The following LCOR variants were observed in gnomAD, a reference collection of about 807,000 sequenced individuals.
LCOR encodes ligand-dependent corepressor.
Under a neutral mutation model 64.4 loss-of-function variants are expected in LCOR, and 14 were observed. That is an observed-to-expected ratio of 0.22 (90% CI 0.14 to 0.34). The LOEUF (loss-of-function observed/expected upper bound fraction) is 0.34. Among genes scored for constraint, LCOR ranks in the 10% least tolerant of loss-of-function variants. The pLI, the probability that LCOR is intolerant of heterozygous loss-of-function variation, is 1.00. For synonymous variants in LCOR, 643 were observed against 642.5 expected, an observed-to-expected ratio of 1.00 and a Z score of -0.01; for missense variants, 1,686 against 1,765.3, an observed-to-expected ratio of 0.96 and a Z score of 0.80.
At chr10:96,958,750 TTCTC>T (rs1337083237) in intron 7 of LCOR, 2 of 279,604 alleles carry the variant, frequency 7.2e-6, no homozygotes, top group Non-Finnish European at 1.4e-5. Flanking sequence ...GTCTCTCTCT[TTCTC>T]TCTCTTTTTT....
chr10:96,897,873 T>TC (rs1846567276), intron 2 of LCOR, among the ~76,000 whole-genome samples: 1 of 147,172 alleles, frequency 6.8e-6, no homozygotes, highest in Non-Finnish European at 1.5e-5. Context: ...CATCTTTTTT[T>TC]TTTTTTTTTT....
intron 4 of LCOR, among the ~76,000 whole-genome samples, chr10:96,916,617 G>A (rs184760499): frequency 0.038 from 5,151 of 135,806 alleles, 341 homozygotes; most frequent in African/African-American, 0.14. Context: ...CTATATATAT[G>A]ATTATTTATT....
Position 96,984,429 on chromosome 10 carries a change from G to A in LCOR, c.3969G>A (p.Gln1323=), listed in dbSNP as rs1341764739. The change falls in exon 8 of 8, where the codon CAG becomes CAA. Residue 1323 remains glutamine, a synonymous_variant. Transcript: ENST00000421806. The part of the protein sequence containing the change: ...YSNIRGKLRA[Q]QRLIKNEKME... ...ATATTCGAGGAAAGCTCAGAGCCCA[G>A]CAACGTTTAATCAAGAATGAGAAAA... 1 of 1,614,080 alleles carries A rather than the reference G, an allele frequency of 6.2e-7. No individual in the cohort carries two copies. Among genetic ancestry groups the A allele is most frequent in the Non-Finnish European group, 8.5e-7 (1 of 1,180,044 alleles).
rs1267761853 is a variant in LCOR at position 96,980,960 on chromosome 10, A to G, written c.500A>G (p.Asp167Gly). 1 of 703,038 alleles carries G rather than the reference A, an allele frequency of 1.4e-6. No individual in the cohort carries two copies. The highest frequency in any genetic ancestry group is 1.5e-5 in the South Asian group (1 of 67,600). 43.5% of individuals were successfully genotyped at this position (703,038 alleles called of 1,614,324 possible). A position where few individuals can be genotyped will look rare whatever the true frequency, so the allele number is the denominator to read the frequency against. The change falls in exon 8 of 8, where the codon GAT (aspartate) becomes GGT (glycine). Residue 167 changes from aspartate (D) to glycine (G), a missense_variant. By Grantham distance (94) the Asp-to-Gly change is moderately conservative. Around this residue, in one of 3 missense-constraint regions of LCOR, gnomAD observed 313 missense variants for 247.2 expected, o/e 1.27. Transcript: ENST00000421806. ...QPGTEDLQPS[D>G]SGAMDVSTCN... is the part of the protein sequence containing the mutation. ...GGCACTGAGGACCTGCAGCCTTCTG[A>G]TTCGGGAGCAATGGATGTATCCACT... is the stretch of plus-strand genomic sequence containing the variant.
intron 2 of LCOR, among the ~76,000 whole-genome samples, chr10:96,845,449 CTTTTTTTTTTTTTTTTTTTTT>C (rs762639752): frequency 5.8e-4 from 28 of 48,686 alleles, no homozygotes; most frequent in African/African-American, 1.3e-3. Flanking sequence ...TGGGCTTATC[CTTTTTTTTTTTTTTTTTTTTT>C]TTTTTTTTTT....
At chr10:96,898,827 A>G (rs969986851) in intron 2 of LCOR, among the ~76,000 whole-genome samples, 2 of 152,190 alleles carry the variant, frequency 1.3e-5, no homozygotes, top group African/African-American at 2.4e-5. Flanking sequence ...CCTGATACCA[A>G]ATAAGGGTGC....
At chr10:96,866,786 G>T (rs1252371393) in intron 2 of LCOR, among the ~76,000 whole-genome samples, 1 of 152,054 alleles carries the variant, frequency 6.6e-6, no homozygotes, top group Non-Finnish European at 1.5e-5. Context: ...AAGTTGGCCA[G>T]GCTGGTCTCG....
intron 7 of LCOR, among the ~76,000 whole-genome samples, 179 bp downstream of exon 7, chr10:96,952,375 G>A (rs888694847): frequency 2.6e-5 from 4 of 152,190 alleles, no homozygotes; most frequent in Non-Finnish European, 4.4e-5. Flanking sequence ...GTACAGATGA[G>A]TTTTTGTCAG....
rs1848148974 is a variant in LCOR, at chr10:96,986,240, G to T, written c.*1106G>T. Reference sequence around the variant, plus strand: ...TGGGTGTCCCTGAGTTGAGTAATTAGCAAAGGACAGATGGTTTAAAAGTAG... The same window carrying T: ...TGGGTGTCCCTGAGTTGAGTAATTATCAAAGGACAGATGGTTTAAAAGTAG... On this transcript the variant is annotated 3_prime_UTR_variant, in exon 8 of 8. Transcript: ENST00000421806. 1.2e-5 allele frequency: 2 copies of T among 166,606 alleles called. No individual in the cohort carries two copies. Among genetic ancestry groups the T allele is most frequent in the South Asian group, 2.1e-4 (1 of 4,832 alleles). The allele number at this position is 166,606 out of a possible 1,614,324, so 10.3% of individuals were successfully genotyped here.
intron 4 of LCOR, among the ~76,000 whole-genome samples, chr10:96,926,176 C>G (rs1047639383): frequency 2.6e-5 from 4 of 151,978 alleles, no homozygotes; most frequent in African/African-American, 9.7e-5. Context: ...CTTTTTTGCC[C>G]ATCTGCATAC....
intron 2 of LCOR, among the ~76,000 whole-genome samples, chr10:96,856,081 T>TG (rs1326095514): frequency 2.0e-5 from 3 of 151,448 alleles, no homozygotes; most frequent in Non-Finnish European, 4.4e-5. Flanking sequence ...TTTATTTAGT[T>TG]TTTTTTTGAG....
At chr10:96,965,153 C>T (rs1474628455) in intron 7 of LCOR, among the ~76,000 whole-genome samples, 3 of 151,350 alleles carry the variant, frequency 2.0e-5, no homozygotes, top group Admixed American at 1.3e-4. Flanking sequence ...GGACTACAGT[C>T]GCCCGCCACC....
rs748370218 is a variant in LCOR at position 96,981,628 on chromosome 10, C to G, written c.1168C>G (p.Pro390Ala). 6.2e-7 allele frequency: 1 copy of G among 1,614,170 alleles called. No homozygotes were observed. The change falls in exon 8 of 8, where the codon CCA (proline) becomes GCA (alanine). Residue 390 changes from proline to alanine, a missense_variant. Transcript: ENST00000421806. The stretch of plus-strand genomic sequence containing the variant: ...AGAGGCAAATGAACAAGATGCAAGG[C>G]CAAAGCAAGAGAACCATCTTCACTC... ...DLEANEQDAR[P>A]KQENHLHSLG...
intron 2 of LCOR, among the ~76,000 whole-genome samples, chr10:96,899,225 G>C (rs1357075957): frequency 6.6e-6 from 1 of 152,112 alleles, no homozygotes; most frequent in East Asian, 1.9e-4. Flanking sequence ...TAGAAATTTG[G>C]TCTTAGGGCA....
At chr10:96,956,384 A>G in intron 7 of LCOR, 1 of 985,580 alleles carries the variant, frequency 1.0e-6, no homozygotes, top group Non-Finnish European at 1.2e-6. Flanking sequence ...AAAATTATTC[A>G]CATTTTTCAT....
In LCOR at chr10:96,961,296, A is replaced by T. The variant is rs1334588756; in HGVS notation, c.332+9100A>T. ...TGGTTTCCAGTTCATTTAGAGCTGTATCAAGAAAAGCTAAAAAGCAAGCAC... is the reference window on the plus strand; with the variant it reads ...TGGTTTCCAGTTCATTTAGAGCTGTTTCAAGAAAAGCTAAAAAGCAAGCAC... On this transcript the variant is annotated intron_variant, in intron 7 of 7. Transcript: ENST00000421806. 2.0e-5 allele frequency: 3 copies of T among 152,250 alleles called. No individual in the cohort carries two copies. In the East Asian group the frequency reaches 5.8e-4, roughly 29 times the overall value. The allele number at this position is 152,250 out of a possible 1,614,324, so 9.4% of individuals were successfully genotyped here.
intron 2 of LCOR, among the ~76,000 whole-genome samples, chr10:96,862,961 A>T (rs1589613352): frequency 6.6e-6 from 1 of 150,766 alleles, no homozygotes; most frequent in Non-Finnish European, 1.5e-5. Flanking sequence ...GCTCACTGCA[A>T]CCTCTGCCTC....
At chr10:96,935,436 A>G (rs544257959) in intron 4 of LCOR, among the ~76,000 whole-genome samples, 1 of 151,788 alleles carries the variant, frequency 6.6e-6, no homozygotes, top group African/African-American at 2.4e-5. Flanking sequence ...GGCTTAAGCC[A>G]CTGCGCCTGG....
intron 2 of LCOR, among the ~76,000 whole-genome samples, chr10:96,862,426 C>T (rs1489611490): frequency 3.3e-5 from 5 of 152,100 alleles, no homozygotes; most frequent in South Asian, 2.1e-4. Flanking sequence ...CCACCATCCT[C>T]GGCCAATTTT....
Sources: gnomAD v4.1 joint callset for allele counts (sites outside exome capture counted in the v4.1 genomes callset) on GRCh38, gnomAD v4.1.1 for gene constraint, gnomAD v4.1.1 regional missense constraint, MANE v1.5 for transcripts, NCBI Gene and HGNC (gene_info 2026-07-23, HGNC 2026-07-21) for gene names.